DMBX1: variants seen among roughly 807,000 people sequenced by gnomAD.
DMBX1 encodes diencephalon/mesencephalon homeobox 1, also known as diencephalon/mesencephalon homeobox protein 1.
A neutral mutation model predicts 30.4 loss-of-function variants in DMBX1; 7 were observed. The observed-to-expected ratio is 0.23, with a 90% CI of 0.13 to 0.43. The LOEUF is 0.43. Among genes scored for constraint, DMBX1 ranks in the 20% least tolerant of loss-of-function variants. DMBX1 has a pLI of 1.00. For synonymous variants in DMBX1, 222 were observed against 214.2 expected, an observed-to-expected ratio of 1.04 and a Z score of -0.32; for missense variants, 460 against 508.5, an observed-to-expected ratio of 0.90 and a Z score of 0.92.
chr1:46,496,768 T>A (rs983372563), intron 2 of DMBX1, among the ~76,000 whole-genome samples: 1 of 152,218 alleles, frequency 6.6e-6, no homozygotes, highest in Non-Finnish European at 1.5e-5. Context: ...CTGGTTAGTG[T>A]CATATCAGAA....
rs943739684 is a variant in DMBX1 at position 46,510,126 on chromosome 1, A to G, written c.155-350A>G. Among the ~76,000 whole-genome samples, 3 of 152,206 alleles carry G rather than the reference A, an allele frequency of 2.0e-5. No individual in the cohort carries two copies. Among genetic ancestry groups the G allele is most frequent in the Non-Finnish European group, 2.9e-5 (2 of 68,036 alleles). ...CTGTGATATGGACTTACAGATTATT[A>G]GCATCATGGAGTCTCAAAGTATACT... On this transcript the variant is annotated intron_variant, in intron 3 of 5. Transcript: ENST00000360032. The surrounding 1 kb of genome is among the most constrained non-coding windows in gnomAD (Gnocchi z 4.1).
Position 46,510,846 on chromosome 1 carries a change from A to T in DMBX1, c.334-89A>T, listed in dbSNP as rs1333132872. On this transcript the variant is annotated intron_variant, in intron 4 of 5. Transcript: ENST00000360032. This position sits in a 1 kb window ranked among gnomAD's most constrained non-coding sequence, Gnocchi z 4.1. ...TTCCCTAGAGGGGTGGGGGGATGTTATCACGTACATCCTCTCCCAGAGCAC... is the reference window on the plus strand; with the variant it reads ...TTCCCTAGAGGGGTGGGGGGATGTTTTCACGTACATCCTCTCCCAGAGCAC... The T allele has an allele frequency of 7.2e-7, 1 of 1,381,724 alleles. No individual in the cohort carries two copies. Among genetic ancestry groups the T allele is most frequent in the Non-Finnish European group, 9.7e-7 (1 of 1,026,250 alleles). 85.6% of individuals were successfully genotyped at this position (1,381,724 alleles called of 1,614,324 possible).
In DMBX1 at chr1:46,493,029, C is replaced by T. The variant is rs567665334; in HGVS notation, c.-13+2246C>T. ...TCCAGGCCTCGAAGTTACTCCTCCT[C>T]CTCCGGCCAGTCCCAGTTCCTCAAG... On this transcript the variant is annotated intron_variant, in intron 2 of 5. Transcript: ENST00000360032. The surrounding 1 kb of genome is among the most constrained non-coding windows in gnomAD (Gnocchi z 4.1). Among the ~76,000 whole-genome samples the T allele has an allele frequency of 9.2e-5, 14 of 152,280 alleles. No homozygotes were observed. The South Asian group carries it at 1.7e-3, about 18-fold the overall frequency.
At chr1:46,500,713 C>CATCCATTTTTGG (rs1196152638) in intron 2 of DMBX1, among the ~76,000 whole-genome samples, 49 of 152,276 alleles carry the variant, frequency 3.2e-4, no homozygotes, top group African/African-American at 1.2e-3. Context: ...TGGATCGTAT[C>CATCCATTTTTGG]ATGCATACTG....
chr1:46,514,446 G>A lies in DMBX1; in HGVS notation c.*1952G>A, dbSNP rs187588918. On this transcript the variant is annotated 3_prime_UTR_variant, in exon 6 of 6. Coordinates refer to ENST00000360032, the MANE Select transcript of DMBX1 (RefSeq NM_172225.2). Reference sequence around the variant, plus strand: ...CTATTGCCTTTCTGTGGAGCAAGGGGTGTTGTACACACAAGCCTCACTGTA... The same window carrying A: ...CTATTGCCTTTCTGTGGAGCAAGGGATGTTGTACACACAAGCCTCACTGTA... Among the ~76,000 whole-genome samples the A allele has an allele frequency of 2.6e-5, 4 of 152,342 alleles. No homozygotes were observed. The highest frequency in any genetic ancestry group is 1.3e-4 in the Admixed American group (2 of 15,304).
chr1:46,506,869 T>C (rs1485631939), intron 2 of DMBX1, 130 bp from the exon 3 acceptor site: 1 of 1,006,036 alleles, frequency 9.9e-7, no homozygotes, highest in Non-Finnish European at 1.5e-6. Context: ...CAAGACAGGC[T>C]CCCTTCCGAT....
intron 3 of DMBX1, among the ~76,000 whole-genome samples, chr1:46,509,264 G>A (rs975757257): frequency 1.3e-5 from 2 of 152,130 alleles, no homozygotes; most frequent in Non-Finnish European, 2.9e-5. Context: ...AGTAGTGACA[G>A]TGTTTCATAA....
rs558021445 is a variant in DMBX1, at chr1:46,512,063, A to G, written c.703A>G (p.Ile235Val). ...TGCAGATTCCCCAGGCAGCCTGACCATCACTCCTGTGGCCCCAGGGGGTGG... is the reference window on the plus strand; with the variant it reads ...TGCAGATTCCCCAGGCAGCCTGACCGTCACTCCTGTGGCCCCAGGGGGTGG... ...PKADSPGSLT[I>V]TPVAPGGGLL... is the part of the protein sequence containing the mutation. Residue 235 changes from isoleucine (I) to valine (V), a missense_variant, in exon 6 of 6, where the codon ATC becomes GTC. This residue lies in a region of DMBX1 where 334 missense variants were observed against 345.1 expected (regional missense o/e 0.97). Transcript: ENST00000360032. The surrounding 1 kb of genome is among the most constrained non-coding windows in gnomAD (Gnocchi z 4.8). The G allele has an allele frequency of 2.5e-5, 41 of 1,612,054 alleles. 1 individual carries two copies. In the South Asian group the frequency reaches 4.4e-4, roughly 17 times the overall value.
intron 2 of DMBX1, among the ~76,000 whole-genome samples, chr1:46,500,485 A>T (rs1386522649): frequency 6.6e-6 from 1 of 151,378 alleles, no homozygotes; most frequent in East Asian, 1.9e-4. Context: ...AGCTTGTGAC[A>T]CTCCAGAGCC....
At chr1:46,497,856 A>G (rs1265910623) in intron 2 of DMBX1, among the ~76,000 whole-genome samples, 3 of 152,198 alleles carry the variant, frequency 2.0e-5, no homozygotes, top group Non-Finnish European at 4.4e-5. Flanking sequence ...CTTTTAACCA[A>G]TGTAAGCACA....
intron 2 of DMBX1, among the ~76,000 whole-genome samples, chr1:46,502,932 T>G (rs1369763137): frequency 2.6e-5 from 4 of 152,206 alleles, no homozygotes; most frequent in Admixed American, 2.0e-4. Flanking sequence ...ATTATGTTAC[T>G]TCCCTCAAGA....
intron 2 of DMBX1, among the ~76,000 whole-genome samples, chr1:46,498,253 A>G (rs1446901970): frequency 1.3e-5 from 2 of 152,184 alleles, no homozygotes; most frequent in Non-Finnish European, 2.9e-5. Context: ...GTAGTGGGCT[A>G]GGACTCTGGG....
At chr1:46,501,153 CCT>C (rs141435113) in intron 2 of DMBX1, among the ~76,000 whole-genome samples, 5 of 150,648 alleles carry the variant, frequency 3.3e-5, no homozygotes, top group African/African-American at 9.8e-5. Flanking sequence ...CTCCCCCTTC[CCT>C]CTCTCTCTCT....
In DMBX1 at chr1:46,496,864, G is replaced by T. The variant is rs531899628; in HGVS notation, c.-13+6081G>T. ...GCCCTGGCTTGCTGCTCCCGGGTTC[G>T]TGTATTCATGATCTTCTACCTGCAT... On this transcript the variant is annotated intron_variant, in intron 2 of 5. Coordinates refer to ENST00000360032, the MANE Select transcript of DMBX1 (RefSeq NM_172225.2). Among the ~76,000 whole-genome samples the T allele has an allele frequency of 1.4e-4, 22 of 152,302 alleles. No individual in the cohort carries two copies. The South Asian group carries it at 3.5e-3, about 24-fold the overall frequency.
chr1:46,512,590 C>G lies in DMBX1; in HGVS notation c.*96C>G. On this transcript the variant is annotated 3_prime_UTR_variant, in exon 6 of 6. Coordinates refer to ENST00000360032, the MANE Select transcript of DMBX1 (RefSeq NM_172225.2). The surrounding 1 kb of genome is among the most constrained non-coding windows in gnomAD (Gnocchi z 4.8). ...TCTCGAGGAGTTAACTCCATGAGCC[C>G]AGGGATCCTAGGGCCTGGGGTCCTG... 7 of 1,378,694 alleles carry G rather than the reference C, an allele frequency of 5.1e-6. No individual in the cohort carries two copies. The highest frequency in any genetic ancestry group is 6.8e-6 in the Non-Finnish European group (7 of 1,023,176). 85.4% of individuals were successfully genotyped at this position (1,378,694 alleles called of 1,614,324 possible).
chr1:46,513,378 C>G lies in DMBX1; in HGVS notation c.*884C>G, dbSNP rs1375735930. On this transcript the variant is annotated 3_prime_UTR_variant, in exon 6 of 6. Coordinates refer to ENST00000360032, the MANE Select transcript of DMBX1 (RefSeq NM_172225.2). ...CTGCAGGCAGGAGGTGGCACTGGCT[C>G]CCACTCCCACCCCTGCCCAGGCTGG... 6.6e-6 allele frequency: 1 copy of G among 152,130 alleles called. No homozygotes were observed. The highest frequency in any genetic ancestry group is 2.4e-5 in the African/African-American group (1 of 41,416). 9.4% of individuals were successfully genotyped at this position (152,130 alleles called of 1,614,324 possible).
Position 46,514,301 on chromosome 1 carries a change from C to T in DMBX1, c.*1807C>T, listed in dbSNP as rs1285562214. 1 of 152,194 alleles carries T rather than the reference C, an allele frequency of 6.6e-6. No individual in the cohort carries two copies. Among genetic ancestry groups the T allele is most frequent in the Non-Finnish European group, 1.5e-5 (1 of 68,052 alleles). The allele number at this position is 152,194 out of a possible 1,614,324, so 9.4% of individuals were successfully genotyped here. A position where few individuals can be genotyped will look rare whatever the true frequency, so the allele number is the denominator to read the frequency against. On this transcript the variant is annotated 3_prime_UTR_variant, in exon 6 of 6. Transcript: ENST00000360032. ...CTGTTTCCCTGTCTGGGTTAGATGG[C>T]CTGTAAGGTCCTAGCCAGCTCTACA...
chr1:46,500,646 T>C (rs1225111302), intron 2 of DMBX1, among the ~76,000 whole-genome samples: 2 of 152,080 alleles, frequency 1.3e-5, no homozygotes, highest in Non-Finnish European at 2.9e-5. Context: ...TGTTAACATT[T>C]CAGGTTATAA....
chr1:46,507,514 G>A (rs1453752186), intron 3 of DMBX1, among the ~76,000 whole-genome samples: 1 of 152,174 alleles, frequency 6.6e-6, no homozygotes, highest in Non-Finnish European at 1.5e-5. Flanking sequence ...AGCTGGAAGA[G>A]GCTGGAATGC....
Sources: gnomAD v4.1 joint callset for allele counts (sites outside exome capture counted in the v4.1 genomes callset) on GRCh38, gnomAD v4.1.1 for gene constraint, gnomAD v4.1.1 regional missense constraint, Gnocchi (gnomAD v3.1) non-coding constraint, MANE v1.5 for transcripts, NCBI Gene and HGNC (gene_info 2026-07-23, HGNC 2026-07-21) for gene names.